NBPF15: variants seen among roughly 807,000 people sequenced by gnomAD.
NBPF15 encodes the protein NBPF family member NBPF15.
In NBPF15, 74 loss-of-function variants were observed where a neutral mutation model predicts 62.2. The observed-to-expected ratio is 1.19, with a 90% CI of 0.99 to 1.44. The LOEUF is 1.44. Among genes scored for constraint, NBPF15 ranks in the 40% most tolerant of loss-of-function variants. The pLI is 0.00. For synonymous variants in NBPF15, 244 were observed against 209.7 expected, an observed-to-expected ratio of 1.16 and a Z score of -1.41; for missense variants, 790 against 550.0, an observed-to-expected ratio of 1.44 and a Z score of -4.36.
At chr1:144,432,453 T>C (rs1444134207) in intron 13 of NBPF15, among the ~76,000 whole-genome samples, 2 of 151,958 alleles carry the variant, frequency 1.3e-5, no homozygotes, top group South Asian at 2.1e-4. Flanking sequence ...AATTCACACA[T>C]AACAATATTA....
At chr1:144,437,295 C>A (rs1321250863) in intron 9 of NBPF15, among the ~76,000 whole-genome samples, 186 bp from the exon 10 acceptor site, 5 of 151,664 alleles carry the variant, frequency 3.3e-5, no homozygotes, top group African/African-American at 1.2e-4. Context: ...TCCTCTGTAT[C>A]AGAGAGGGCT....
rs1357117835 is a variant in NBPF15, at chr1:144,461,589, GC to G, written c.-1147del. 2.0e-5 allele frequency: 3 copies of G among 152,816 alleles called. No individual in the cohort carries two copies. In the East Asian group the frequency reaches 5.8e-4, roughly 30 times the overall value. The allele number at this position is 152,816 out of a possible 1,614,324, so 9.5% of individuals were successfully genotyped here. On this transcript the variant is annotated 5_prime_UTR_variant, in exon 1 of 22. The change creates a premature stop within an existing upstream ORF in the 5' untranslated region. Coordinates refer to ENST00000581897, the MANE Select transcript of NBPF15 (RefSeq NM_001385408.1). ...ACCCTCACCTACCCCTCCCGATACC[GC>G]CGCTGTCTCAACCGCCGCCCAGCCC... is the stretch of plus-strand genomic sequence containing the variant.
Position 144,444,370 on chromosome 1 carries a change from C to T in NBPF15, c.-190-4075G>A, listed in dbSNP as rs1163009714. On this transcript the variant is annotated intron_variant, in intron 6 of 21. Transcript: ENST00000581897. ...GTTTTTCCTGGGCCTTAAAGCATGACGAAATAACGAAGGCATTCTTAACAG... is the reference window on the plus strand; with the variant it reads ...GTTTTTCCTGGGCCTTAAAGCATGATGAAATAACGAAGGCATTCTTAACAG... 1.8e-3 allele frequency among the ~76,000 whole-genome samples: 272 copies of T among 151,140 alleles called. 2 individuals are homozygous for T. The highest frequency in any genetic ancestry group is 0.01 in the East Asian group (53 of 5,132).
intron 20 of NBPF15, among the ~76,000 whole-genome samples, 161 bp downstream of exon 20, chr1:144,424,529 C>A (rs1231419104): frequency 6.6e-6 from 1 of 151,910 alleles, no homozygotes; most frequent in Non-Finnish European, 1.5e-5. Flanking sequence ...CTTGTCTGGG[C>A]TTCCAGGTAG....
At chr1:144,447,845 A>C (rs1688655588) in intron 6 of NBPF15, among the ~76,000 whole-genome samples, 1 of 152,048 alleles carries the variant, frequency 6.6e-6, no homozygotes, top group Non-Finnish European at 1.5e-5. Flanking sequence ...TGGGGCTGGT[A>C]CAGCCTCGCT....
intron 6 of NBPF15, among the ~76,000 whole-genome samples, chr1:144,443,921 C>A (rs1571145684): frequency 1.3e-5 from 2 of 150,968 alleles, no homozygotes; most frequent in East Asian, 1.9e-4. Flanking sequence ...AGCCTTTCAA[C>A]CCTCAGCCCC....
At chr1:144,428,941 TG>T (rs1672110559) in intron 14 of NBPF15, among the ~76,000 whole-genome samples, 1 of 152,020 alleles carries the variant, frequency 6.6e-6, no homozygotes, top group African/African-American at 2.4e-5. Flanking sequence ...CCCAATAAAT[TG>T]TAGGCAAATA....
chr1:144,438,850 C>T (rs1372805274), intron 8 of NBPF15, among the ~76,000 whole-genome samples: 1 of 151,894 alleles, frequency 6.6e-6, no homozygotes, highest in Non-Finnish European at 1.5e-5. Flanking sequence ...CTGCTCTGTA[C>T]ACTGCACTGT....
chr1:144,459,131 C>T (rs1650457610), intron 3 of NBPF15, among the ~76,000 whole-genome samples: 1 of 151,896 alleles, frequency 6.6e-6, no homozygotes, highest in Non-Finnish European at 1.5e-5. Flanking sequence ...GCATTGATTT[C>T]TTAAACAGGA....
chr1:144,448,326 C>T (rs1223628424), intron 6 of NBPF15, among the ~76,000 whole-genome samples: 1 of 152,024 alleles, frequency 6.6e-6, no homozygotes, highest in East Asian at 1.9e-4. Flanking sequence ...GTTGAAAAAC[C>T]TTTGTCTACT....
Position 144,432,047 on chromosome 1 carries a change from A to T in NBPF15, c.824+1726T>A, listed in dbSNP as rs1404254537. Reference sequence around the variant, plus strand: ...TGGGTCAAATAGTATTTCTAGTTCTAGATCCCTGAGGAATTGCCACACTGC... The same window carrying T: ...TGGGTCAAATAGTATTTCTAGTTCTTGATCCCTGAGGAATTGCCACACTGC... On this transcript the variant is annotated intron_variant, in intron 13 of 21. Coordinates refer to ENST00000581897, the MANE Select transcript of NBPF15 (RefSeq NM_001385408.1). Among the ~76,000 whole-genome samples, 1,275 of 152,120 alleles carry T rather than the reference A, an allele frequency of 8.4e-3. 25 individuals are homozygous for T. The highest frequency in any genetic ancestry group is 0.029 in the African/African-American group (1,198 of 41,488).
intron 4 of NBPF15, among the ~76,000 whole-genome samples, chr1:144,453,285 G>C (rs1571162768): frequency 6.6e-6 from 1 of 151,268 alleles, no homozygotes; most frequent in African/African-American, 2.4e-5. Flanking sequence ...ACAACCACAT[G>C]CAAAAAAATA....
intron 2 of NBPF15, among the ~76,000 whole-genome samples, chr1:144,459,953 A>AATATACCC (rs1651320520): frequency 6.6e-6 from 1 of 151,162 alleles, no homozygotes; most frequent in Non-Finnish European, 1.5e-5. Flanking sequence ...CACTCCTACA[A>AATATACCC]ATATACCCCA....
chr1:144,435,081 G>A (rs1447000971), intron 12 of NBPF15, 30 bp downstream of exon 12: 6 of 1,611,958 alleles, frequency 3.7e-6, no homozygotes, highest in Admixed American at 1.7e-5. Flanking sequence ...CCTAGAGAGA[G>A]GTATGAGACA....
intron 14 of NBPF15, among the ~76,000 whole-genome samples, chr1:144,429,125 C>A (rs1209908476): frequency 2.0e-5 from 3 of 151,778 alleles, no homozygotes; most frequent in African/African-American, 7.3e-5. Context: ...GCTATTATGG[C>A]TTTTGTGGGT....
intron 3 of NBPF15, among the ~76,000 whole-genome samples, chr1:144,457,012 A>G (rs1427553213): frequency 6.6e-6 from 1 of 151,200 alleles, no homozygotes; most frequent in Non-Finnish European, 1.5e-5. Flanking sequence ...CCCATCTCTG[A>G]AAATAAAAAA....
At chr1:144,433,320 A>G (rs1330297964) in intron 13 of NBPF15, among the ~76,000 whole-genome samples, 3 of 152,240 alleles carry the variant, frequency 2.0e-5, no homozygotes, top group East Asian at 3.9e-4. Context: ...AGGGAAAATT[A>G]TAGCACTAAA....
intron 18 of NBPF15, 78 bp downstream of exon 18, chr1:144,426,200 G>C: frequency 1.6e-6 from 1 of 606,196 alleles, no homozygotes. Context: ...GGGTCAGTAA[G>C]GGCCACTTGG....
At chr1:144,455,250 G>T (rs1693738398) in intron 4 of NBPF15, among the ~76,000 whole-genome samples, 1 of 148,886 alleles carries the variant, frequency 6.7e-6, no homozygotes, top group Admixed American at 6.7e-5. Context: ...GAGAGAAAAA[G>T]AGTGGGAGAG....
Sources: gnomAD v4.1 joint callset for allele counts (sites outside exome capture counted in the v4.1 genomes callset) on GRCh38, gnomAD v4.1.1 for gene constraint, MANE v1.5 for transcripts, NCBI Gene and HGNC (gene_info 2026-07-23, HGNC 2026-07-21) for gene names.